The following CD81 variants were observed in gnomAD, a reference collection of about 807,000 sequenced individuals.
CD81 encodes the protein CD81 antigen.
CD81 carries 10 observed loss-of-function variants against 30.1 expected under a neutral mutation model. That is an observed-to-expected ratio of 0.33 (90% CI 0.21 to 0.56). The LOEUF is 0.56. Ranked by LOEUF, CD81 falls within the 20% of genes least tolerant of loss-of-function variation. The pLI is 0.89. For missense variants in CD81, 263 were observed against 308.7 expected (o/e 0.85, Z 1.11); for synonymous variants, 147 against 126.4 (o/e 1.16, Z -1.10).
At chr11:2,385,420 T>G (rs58846287) in intron 1 of CD81, among the ~76,000 whole-genome samples, 11,238 of 152,268 alleles carry the variant, frequency 0.074, 1,362 homozygotes, top group African/African-American at 0.25. Context: ...ACAAGCGGAC[T>G]CAGAAGGCAC....
intron 1 of CD81, chr11:2,385,853 C>CT: frequency 2.0e-6 from 1 of 499,950 alleles, no homozygotes; most frequent in Non-Finnish European, 3.7e-6. Flanking sequence ...TTACAAGAAA[C>CT]GTGCTAGAAC....
At position 2,379,570 on chromosome 11, in the gene CD81, G is replaced by T. The variant is rs189348088; in HGVS notation, c.66+1955G>T. Among the ~76,000 whole-genome samples, 861 of 152,070 alleles carry T rather than the reference G, an allele frequency of 5.7e-3. 31 individuals are homozygous for T. The highest frequency in any genetic ancestry group is 0.051 in the Admixed American group (779 of 15,280). ...GGAGGTGGATTTTTGCTCTCTGGACGGTGTGTCAGCACTGGGTGAGCCCCT... is the reference window on the plus strand; with the variant it reads ...GGAGGTGGATTTTTGCTCTCTGGACTGTGTGTCAGCACTGGGTGAGCCCCT... On this transcript the variant is annotated intron_variant, in intron 1 of 7. Coordinates refer to ENST00000263645, the MANE Select transcript of CD81 (RefSeq NM_004356.4).
chr11:2,383,168 C>T (rs1849731410), intron 1 of CD81, among the ~76,000 whole-genome samples: 1 of 152,236 alleles, frequency 6.6e-6, no homozygotes, highest in African/African-American at 2.4e-5. Context: ...GCCAGGGGCC[C>T]TGTGAGTGGA....
At chr11:2,396,019 C>T in intron 6 of CD81, 49 bp downstream of exon 6, 1 of 1,233,712 alleles carries the variant, frequency 8.1e-7, no homozygotes, top group Non-Finnish European at 1.2e-6. Flanking sequence ...TGTCCCGCCC[C>T]TGGGTGGGGT....
At chr11:2,385,815 G>T in intron 1 of CD81, 1 of 638,598 alleles carries the variant, frequency 1.6e-6, no homozygotes. Context: ...CGGTCAGTGG[G>T]CATATGGGTT....
intron 1 of CD81, chr11:2,386,207 AG>A (rs1849795983): frequency 8.4e-6 from 6 of 713,852 alleles, no homozygotes; most frequent in Non-Finnish European, 1.6e-5. Context: ...CTTGCGGGGA[AG>A]GGTCTGTTCC....
rs1849806017 is a variant in CD81, at chr11:2,386,771, C to T, written c.67-3641C>T. The T allele has an allele frequency of 1.1e-5, 7 of 646,806 alleles. No homozygotes were observed. In the South Asian group the frequency reaches 1.2e-4, roughly 11 times the overall value. The allele number at this position is 646,806 out of a possible 1,614,324, so 40.1% of individuals were successfully genotyped here. On this transcript the variant is annotated intron_variant, in intron 1 of 7. Coordinates refer to ENST00000263645, the MANE Select transcript of CD81 (RefSeq NM_004356.4). Reference sequence around the variant, plus strand: ...TGGCGTCACCCCCATTTCCGGCTGTCCCTCCCACCCCCTCCTGGCCCAGCT... The same window carrying T: ...TGGCGTCACCCCCATTTCCGGCTGTTCCTCCCACCCCCTCCTGGCCCAGCT...
chr11:2,390,259 C>A, intron 1 of CD81, 153 bp from the exon 2 acceptor site: 2 of 729,614 alleles, frequency 2.7e-6, no homozygotes, highest in South Asian at 2.9e-5. Flanking sequence ...CGGGGCTCTT[C>A]AGGGCATTGC....
chr11:2,386,178 T>C, intron 1 of CD81: 1 of 717,278 alleles, frequency 1.4e-6, no homozygotes. Context: ...CTTCATGTGC[T>C]TTTTTGCTGT....
upstream of CD81, chr11:2,376,402 T>C (rs1849588767): frequency 6.6e-6 from 1 of 152,250 alleles, no homozygotes; most frequent in African/African-American, 2.4e-5. Flanking sequence ...ATCAGTTTTC[T>C]TGGAGAGGGC....
rs1244304650 is a variant in CD81, at chr11:2,377,641, C to G, written c.66+26C>G. 1.4e-6 allele frequency: 2 copies of G among 1,430,672 alleles called. No individual in the cohort carries two copies. The highest frequency in any genetic ancestry group is 1.9e-5 in the Admixed American group (1 of 52,140). The allele number at this position is 1,430,672 out of a possible 1,614,324, so 88.6% of individuals were successfully genotyped here. On this transcript the variant is annotated intron_variant, in intron 1 of 7. Coordinates refer to ENST00000263645, the MANE Select transcript of CD81 (RefSeq NM_004356.4). This position sits in a 1 kb window ranked among gnomAD's most constrained non-coding sequence, Gnocchi z 7.7. ...GTAAGGGCTGCGCCGGGGGCCGGGGCGGGAGGGGGCAGGCACACACTCCAC... is the reference window on the plus strand; with the variant it reads ...GTAAGGGCTGCGCCGGGGGCCGGGGGGGGAGGGGGCAGGCACACACTCCAC...
intron 1 of CD81, among the ~76,000 whole-genome samples, chr11:2,389,638 C>T (rs1450909680): frequency 6.6e-6 from 1 of 152,162 alleles, no homozygotes; most frequent in Non-Finnish European, 1.5e-5. Context: ...CTTCCTGCCC[C>T]AGCTGCTGAG....
intron 1 of CD81, among the ~76,000 whole-genome samples, chr11:2,383,145 C>T (rs1233685641): frequency 1.3e-5 from 2 of 152,204 alleles, no homozygotes; most frequent in Non-Finnish European, 2.9e-5. Flanking sequence ...CTGAGACAGG[C>T]GGCTTCCTCG....
rs55715418 is a variant in CD81, at chr11:2,383,830, G to A, written c.66+6215G>A. Among the ~76,000 whole-genome samples the A allele has an allele frequency of 5.8e-4, 88 of 152,340 alleles. 1 individual carries two copies. Among genetic ancestry groups the A allele is most frequent in the African/African-American group, 2.1e-3 (86 of 41,578 alleles). ...AGGACTTGGGGTGACCACTTGGCCCGTCTGGGTGGGGGTAAGGTATGGGTG... is the reference window on the plus strand; with the variant it reads ...AGGACTTGGGGTGACCACTTGGCCCATCTGGGTGGGGGTAAGGTATGGGTG... On this transcript the variant is annotated intron_variant, in intron 1 of 7. Coordinates refer to ENST00000263645, the MANE Select transcript of CD81 (RefSeq NM_004356.4).
At chr11:2,390,713 C>T (rs573965074) in intron 2 of CD81, among the ~76,000 whole-genome samples, 187 bp downstream of exon 2, 1 of 152,240 alleles carries the variant, frequency 6.6e-6, no homozygotes, top group South Asian at 2.1e-4. Context: ...GCCTGCTGGC[C>T]CTTCTGGTCT....
intron 3 of CD81, 110 bp from the exon 4 acceptor site, chr11:2,394,862 G>A: frequency 1.0e-6 from 1 of 972,308 alleles, no homozygotes. Context: ...GTGGGCTGGT[G>A]GCTCCCACTA....
chr11:2,393,835 A>C, intron 2 of CD81: 2 of 648,656 alleles, frequency 3.1e-6, no homozygotes. Flanking sequence ...TGTCGCCAGC[A>C]CTCAGAGCGC....
At chr11:2,379,699 C>G (rs1452391612) in intron 1 of CD81, among the ~76,000 whole-genome samples, 1 of 152,010 alleles carries the variant, frequency 6.6e-6, no homozygotes, top group African/African-American at 2.4e-5. Context: ...CTGACACATC[C>G]CAAGGGTGCT....
intron 6 of CD81, chr11:2,396,414 G>T: frequency 1.6e-6 from 1 of 621,738 alleles, no homozygotes; most frequent in Non-Finnish European, 2.9e-6. Flanking sequence ...GTGTGTCCCA[G>T]GCATTTCGCG....
Sources: allele counts gnomAD v4.1 joint callset (sites outside exome capture counted in the v4.1 genomes callset), GRCh38; gene constraint gnomAD v4.1.1; non-coding constraint Gnocchi (gnomAD v3.1); transcripts MANE v1.5; gene names NCBI Gene and HGNC (gene_info 2026-07-23, HGNC 2026-07-21).